The following MYO9A variants were observed in gnomAD, a reference collection of about 807,000 sequenced individuals.
The protein encoded by MYO9A is myosin IXA, also known as unconventional myosin-IXa.
MYO9A carries 103 observed loss-of-function variants against 293.3 expected under a neutral mutation model. The ratio of observed to expected loss-of-function variants is 0.35; its 90% CI spans 0.30 to 0.41. The LOEUF (loss-of-function observed/expected upper bound fraction) is 0.41. MYO9A is among the 10% of genes least tolerant of loss of function. The pLI, the probability that MYO9A is intolerant of heterozygous loss-of-function variation, is 1.00. For missense variants in MYO9A, 2,685 were observed against 3,033.0 expected, an observed-to-expected ratio of 0.89 and a Z score of 2.69; for synonymous variants, 1,001 against 1,035.7, an observed-to-expected ratio of 0.97 and a Z score of 0.64.
intron 28 of MYO9A, among the ~76,000 whole-genome samples, chr15:71,882,501 T>C (rs1354409934): frequency 6.6e-6 from 1 of 152,154 alleles, no homozygotes; most frequent in African/African-American, 2.4e-5. Context: ...CTGGGCATGG[T>C]GGCTCATGGC....
chr15:72,054,283 A>T (rs749380090), intron 1 of MYO9A, among the ~76,000 whole-genome samples: 16 of 152,124 alleles, frequency 1.1e-4, no homozygotes, highest in Admixed American at 8.5e-4. Flanking sequence ...TCTTGAAAAG[A>T]AGTACAAAAC....
intron 1 of MYO9A, among the ~76,000 whole-genome samples, chr15:72,055,951 G>C (rs936321763): frequency 6.6e-6 from 1 of 152,220 alleles, no homozygotes; most frequent in Non-Finnish European, 1.5e-5. Flanking sequence ...AAGTAGGGCA[G>C]GTGCGGTGGC....
At chr15:71,997,565 C>T (rs1166356553) in intron 9 of MYO9A, among the ~76,000 whole-genome samples, 1 of 151,936 alleles carries the variant, frequency 6.6e-6, no homozygotes, top group Non-Finnish European at 1.5e-5. Flanking sequence ...CACCACTGCA[C>T]TCCAGCCCAG....
intron 6 of MYO9A, among the ~76,000 whole-genome samples, chr15:72,014,337 C>T (rs2077260025): frequency 6.6e-6 from 1 of 152,138 alleles, no homozygotes; most frequent in African/African-American, 2.4e-5. Flanking sequence ...TTATGTCCTG[C>T]ACTCTACACT....
In MYO9A at chr15:71,851,279, C is replaced by T; in HGVS notation, c.6555G>A (p.Leu2185=). ...DQLSRTHLNT[L]ERLIFHLVRI... ...TGACTAGATGAAAGATGAGGCGTTC[C>T]AGTGTATTGAGATGAGTTCGGGAGA... is the stretch of plus-strand genomic sequence containing the variant. Residue 2185 remains leucine (L), a synonymous_variant, in exon 37 of 42, where the codon CTG becomes CTA. Coordinates refer to ENST00000356056, the MANE Select transcript of MYO9A (RefSeq NM_006901.4). 1 of 1,613,768 alleles carries T rather than the reference C, an allele frequency of 6.2e-7. No homozygotes were observed. The highest frequency in any genetic ancestry group is 8.5e-7 in the Non-Finnish European group (1 of 1,179,822).
chr15:71,845,136 G>C (rs746158360), intron 39 of MYO9A, among the ~76,000 whole-genome samples: 2 of 152,150 alleles, frequency 1.3e-5, no homozygotes, highest in African/African-American at 4.8e-5. Flanking sequence ...ACTTCCTGAG[G>C]AGTTTGCTTT....
intron 1 of MYO9A, among the ~76,000 whole-genome samples, chr15:72,086,903 G>T (rs1168621442): frequency 6.6e-6 from 1 of 152,062 alleles, no homozygotes; most frequent in Non-Finnish European, 1.5e-5. Context: ...AAGTAGCTGG[G>T]GTTACAGGCA....
At chr15:71,948,355 T>C (rs1320001962) in intron 15 of MYO9A, among the ~76,000 whole-genome samples, 1 of 152,224 alleles carries the variant, frequency 6.6e-6, no homozygotes, top group Non-Finnish European at 1.5e-5. Flanking sequence ...CTAGAGTCCA[T>C]GGCCTAAACC....
rs1469492399 is a variant in MYO9A, at chr15:71,851,409, T to G, written c.6476-51A>C. 2.1e-6 allele frequency: 3 copies of G among 1,400,000 alleles called. No individual in the cohort carries two copies. The African/African-American group carries it at 4.3e-5, about 20-fold the overall frequency. 86.7% of individuals were successfully genotyped at this position (1,400,000 alleles called of 1,614,324 possible). A position where few individuals can be genotyped will look rare whatever the true frequency, so the allele number is the denominator to read the frequency against. On this transcript the variant is annotated intron_variant, in intron 36 of 41. Transcript: ENST00000356056. Reference sequence around the variant, plus strand: ...AGACTAAATATCCCCCCTTATACAGTGTATCTTCCTCCCAGACACTATGAA... The same window carrying G: ...AGACTAAATATCCCCCCTTATACAGGGTATCTTCCTCCCAGACACTATGAA...
chr15:71,870,646 GC>G (rs2056479971), intron 32 of MYO9A, among the ~76,000 whole-genome samples: 1 of 152,132 alleles, frequency 6.6e-6, no homozygotes, highest in Non-Finnish European at 1.5e-5. Context: ...ATACAAAAAT[GC>G]AGATGCTGAA....
chr15:71,978,104 G>T, intron 12 of MYO9A, 67 bp downstream of exon 12: 1 of 1,555,766 alleles, frequency 6.4e-7, no homozygotes, highest in South Asian at 1.2e-5. Context: ...TAAGAAAAAA[G>T]TTTAAACTTA....
At chr15:71,827,588 G>T (rs1043341032) in intron 41 of MYO9A, among the ~76,000 whole-genome samples, 1 of 152,104 alleles carries the variant, frequency 6.6e-6, no homozygotes, top group Non-Finnish European at 1.5e-5. Flanking sequence ...CAATGTATAT[G>T]GAAGCTTTAC....
intron 1 of MYO9A, among the ~76,000 whole-genome samples, chr15:72,083,317 A>G (rs569416142): frequency 1.3e-5 from 2 of 152,328 alleles, no homozygotes; most frequent in South Asian, 2.1e-4. Flanking sequence ...AGAGGTGTTC[A>G]TAACAGTCTG....
intron 1 of MYO9A, among the ~76,000 whole-genome samples, chr15:72,079,038 G>A (rs1048070107): frequency 6.6e-6 from 1 of 150,902 alleles, no homozygotes; most frequent in Non-Finnish European, 1.5e-5. Context: ...TACTGTAACG[G>A]TACAGACATG....
intron 2 of MYO9A, among the ~76,000 whole-genome samples, chr15:72,034,095 A>C (rs1212515391): frequency 6.6e-6 from 1 of 152,234 alleles, no homozygotes; most frequent in Non-Finnish European, 1.5e-5. Flanking sequence ...GAGGACGTCA[A>C]CCAAGCTGAT....
chr15:71,934,329 T>C (rs2058565594), intron 17 of MYO9A, among the ~76,000 whole-genome samples: 1 of 152,152 alleles, frequency 6.6e-6, no homozygotes, highest in African/African-American at 2.4e-5. Flanking sequence ...AAGGTATGAT[T>C]TTAACCTCTT....
chr15:71,879,895 C>A, intron 29 of MYO9A, 58 bp from the exon 30 acceptor site: 1 of 1,136,714 alleles, frequency 8.8e-7, no homozygotes, highest in Non-Finnish European at 1.3e-6. Flanking sequence ...GAAGTAAATA[C>A]AACAGTAGGC....
chr15:71,916,942 G>C (rs2058027676), intron 18 of MYO9A, among the ~76,000 whole-genome samples: 1 of 152,234 alleles, frequency 6.6e-6, no homozygotes, highest in South Asian at 2.1e-4. Context: ...ACTAAATGCA[G>C]CTTAGCCCTG....
intron 19 of MYO9A, among the ~76,000 whole-genome samples, 188 bp downstream of exon 19, chr15:71,916,182 G>A (rs552170400): frequency 6.6e-6 from 1 of 151,478 alleles, no homozygotes; most frequent in South Asian, 2.1e-4. Flanking sequence ...ATATGTGGAT[G>A]AAAAACAAAG....
Sources: gnomAD v4.1 joint callset for allele counts (sites outside exome capture counted in the v4.1 genomes callset) on GRCh38, gnomAD v4.1.1 for gene constraint, MANE v1.5 for transcripts, NCBI Gene and HGNC (gene_info 2026-07-23, HGNC 2026-07-21) for gene names.